OLFM3: variants seen among roughly 807,000 people sequenced by gnomAD.
The protein encoded by OLFM3 is olfactomedin 3.
In OLFM3, 20 loss-of-function variants were observed where a neutral mutation model predicts 48.6. That is an observed-to-expected ratio of 0.41 (90% CI 0.29 to 0.60). The LOEUF is 0.60. Among genes scored for constraint, OLFM3 ranks in the 20% least tolerant of loss-of-function variants. OLFM3 has a pLI of 0.28. For synonymous variants in OLFM3, 222 were observed against 198.1 expected, an observed-to-expected ratio of 1.12 and a Z score of -1.01; for missense variants, 437 against 544.3, an observed-to-expected ratio of 0.80 and a Z score of 1.96.
intron 3 of OLFM3, among the ~76,000 whole-genome samples, chr1:101,827,595 G>A (rs2100904202): frequency 6.6e-6 from 1 of 152,140 alleles, no homozygotes; most frequent in African/African-American, 2.4e-5. Context: ...TATAGTACTA[G>A]CACCTAGAAC....
At chr1:101,838,632 C>A (rs1487744781) in intron 1 of OLFM3, among the ~76,000 whole-genome samples, 1 of 152,044 alleles carries the variant, frequency 6.6e-6, no homozygotes, top group African/African-American at 2.4e-5. Flanking sequence ...TTAAAAAGTT[C>A]TTTTCATTAT....
At chr1:101,884,431 C>T (rs1387638548) in intron 1 of OLFM3, among the ~76,000 whole-genome samples, 2 of 151,692 alleles carry the variant, frequency 1.3e-5, no homozygotes, top group African/African-American at 4.8e-5. Context: ...GAAAAAAGGA[C>T]ACCTTTCTGA....
chr1:101,994,518 TTA>T (rs1359503433), intron 1 of OLFM3, among the ~76,000 whole-genome samples: 1 of 149,770 alleles, frequency 6.7e-6, no homozygotes, highest in Non-Finnish European at 1.5e-5. Context: ...AATTCTTAGT[TTA>T]TAACCTAATT....
At chr1:101,870,978 A>T (rs1657059882) in intron 1 of OLFM3, among the ~76,000 whole-genome samples, 2 of 152,120 alleles carry the variant, frequency 1.3e-5, no homozygotes, top group Non-Finnish European at 2.9e-5. Context: ...AAAAGAAAAG[A>T]TCCTGTATTT....
intron 1 of OLFM3, among the ~76,000 whole-genome samples, chr1:101,958,373 T>C (rs1660361471): frequency 6.6e-6 from 1 of 152,110 alleles, no homozygotes; most frequent in African/African-American, 2.4e-5. Context: ...GCAGTAGGTA[T>C]GACTGATGTT....
At chr1:101,840,432 G>A (rs964753720) in intron 1 of OLFM3, among the ~76,000 whole-genome samples, 12 of 151,880 alleles carry the variant, frequency 7.9e-5, no homozygotes, top group African/African-American at 2.9e-4. Flanking sequence ...CTGCCTTTTA[G>A]GCAGACCTGG....
At chr1:101,878,809 G>A (rs796255618) in intron 1 of OLFM3, among the ~76,000 whole-genome samples, 3 of 151,982 alleles carry the variant, frequency 2.0e-5, no homozygotes, top group African/African-American at 7.2e-5. Context: ...AATTAGCCTT[G>A]GTACAAATTT....
intron 4 of OLFM3, among the ~76,000 whole-genome samples, chr1:101,818,742 GGCTGT>G (rs1204276174): frequency 6.6e-6 from 1 of 152,054 alleles, no homozygotes; most frequent in African/African-American, 2.4e-5. Flanking sequence ...CATGAAAAAA[GGCTGT>G]GCTTTTATTT....
At chr1:101,928,665 C>T (rs1659351551) in intron 1 of OLFM3, among the ~76,000 whole-genome samples, 1 of 152,098 alleles carries the variant, frequency 6.6e-6, no homozygotes, top group Non-Finnish European at 1.5e-5. Flanking sequence ...TAATATTTTC[C>T]TTAGATATGT....
chr1:101,901,136 A>C (rs1213427367), intron 1 of OLFM3, among the ~76,000 whole-genome samples: 3 of 151,118 alleles, frequency 2.0e-5, no homozygotes, highest in Non-Finnish European at 4.4e-5. Flanking sequence ...TAAGACTACT[A>C]CTGGCTAAGA....
intron 1 of OLFM3, among the ~76,000 whole-genome samples, chr1:101,912,207 T>G (rs772584114): frequency 3.3e-5 from 5 of 152,196 alleles, no homozygotes; most frequent in Non-Finnish European, 7.3e-5. Context: ...CCTTCTCTAC[T>G]GCTATCTTTT....
chr1:101,888,885 A>C (rs1371838584), intron 1 of OLFM3, among the ~76,000 whole-genome samples: 1 of 152,250 alleles, frequency 6.6e-6, no homozygotes. Context: ...TATGCAGCCA[A>C]CAGACACATG....
intron 1 of OLFM3, among the ~76,000 whole-genome samples, chr1:101,841,630 A>G (rs1045874663): frequency 1.3e-5 from 2 of 152,186 alleles, no homozygotes; most frequent in African/African-American, 2.4e-5. Context: ...GCTCTGCAAT[A>G]TATAGTCAGA....
rs190142485 is a variant in OLFM3 at position 101,930,990 on chromosome 1, C to T, written c.69+65758G>A. 2.4e-4 allele frequency among the ~76,000 whole-genome samples: 37 copies of T among 152,262 alleles called. No individual in the cohort carries two copies. In the East Asian group the frequency reaches 5.6e-3, roughly 23 times the overall value. ...CATTTTAAAGAAATTGATATTTTGC[C>T]TAGCAATTATTTTTAAAATTAATGG... On this transcript the variant is annotated intron_variant, in intron 1 of 5. Transcript: ENST00000370103.
At chr1:101,879,996 C>A (rs1657455685) in intron 1 of OLFM3, among the ~76,000 whole-genome samples, 1 of 151,804 alleles carries the variant, frequency 6.6e-6, no homozygotes, top group Non-Finnish European at 1.5e-5. Context: ...GCATTCAGGC[C>A]TTTTACTATT....
At chr1:101,885,727 C>A (rs1657727118) in intron 1 of OLFM3, among the ~76,000 whole-genome samples, 1 of 152,076 alleles carries the variant, frequency 6.6e-6, no homozygotes, top group African/African-American at 2.4e-5. Flanking sequence ...CTTTGTCATA[C>A]AAATACAGTA....
At chr1:101,846,920 G>A in intron 1 of OLFM3, 2 of 1,612,808 alleles carry the variant, frequency 1.2e-6, no homozygotes, top group Non-Finnish European at 1.7e-6. Flanking sequence ...TCCAGTTTGA[G>A]ATCATTGCCA....
At chr1:101,824,960 A>G (rs958139194) in intron 4 of OLFM3, 66 bp downstream of exon 4, 16 of 1,380,700 alleles carry the variant, frequency 1.2e-5, no homozygotes, top group Non-Finnish European at 1.5e-5. Flanking sequence ...TATAAAACGT[A>G]AGAGCACAAT....
intron 4 of OLFM3, among the ~76,000 whole-genome samples, chr1:101,812,121 T>C (rs910306780): frequency 1.3e-5 from 2 of 150,416 alleles, no homozygotes; most frequent in African/African-American, 4.9e-5. Flanking sequence ...CACTCATAGG[T>C]GGGAGTTGAA....
Sources: allele counts gnomAD v4.1 joint callset (sites outside exome capture counted in the v4.1 genomes callset), GRCh38; gene constraint gnomAD v4.1.1; transcripts MANE v1.5; gene names NCBI Gene and HGNC (gene_info 2026-07-23, HGNC 2026-07-21).